The following MEIS3 variants were observed in gnomAD, a reference collection of about 807,000 sequenced individuals.
The protein encoded by MEIS3 is Meis homeobox 3.
In MEIS3, 38 loss-of-function variants were observed where a neutral mutation model predicts 51.4. That is an observed-to-expected ratio of 0.74 (90% confidence interval 0.57 to 0.97). The LOEUF is 0.97. Ranked by LOEUF, MEIS3 falls within the 50% of genes least tolerant of loss-of-function variation. The probability of loss-of-function intolerance (pLI) is 0.00; values close to 1 mark genes in which losing one functional copy is unlikely to be tolerated. For missense variants in MEIS3, 456 were observed against 502.6 expected, an observed-to-expected ratio of 0.91 and a Z score of 0.89; for synonymous variants, 198 against 201.8, an observed-to-expected ratio of 0.98 and a Z score of 0.16.
chr19:47,410,621 C>T (rs574727125), intron 6 of MEIS3, among the ~76,000 whole-genome samples: 192 of 151,806 alleles, frequency 1.3e-3, no homozygotes, highest in African/African-American at 4.4e-3. Flanking sequence ...AAAAAATTAG[C>T]TGGGCGTGGT....
rs1241782736 is a variant in MEIS3 at position 47,409,180 on chromosome 19, C to T, written c.777G>A (p.Glu259=). 1.2e-6 allele frequency: 2 copies of T among 1,612,948 alleles called. No homozygotes were observed. Among genetic ancestry groups the T allele is most frequent in the Non-Finnish European group, 8.5e-7 (1 of 1,180,026 alleles). ...SGGEDEDLDQ[E]RRRNKKRGIF... is the part of the protein sequence containing the mutation. The stretch of plus-strand genomic sequence containing the variant: ...TCCCCCTCTTCTTGTTTCGCCGTCG[C>T]TCCTGGTCCAAGTCCTCATCTTCTC... Residue 259 remains glutamate (E), a synonymous_variant, in exon 8 of 13, where the codon GAG becomes GAA. Coordinates refer to ENST00000558555, the MANE Select transcript of MEIS3 (RefSeq NM_001301059.2).
chr19:47,412,081 G>T (rs1255135427), intron 6 of MEIS3, among the ~76,000 whole-genome samples: 1 of 151,996 alleles, frequency 6.6e-6, no homozygotes, highest in Non-Finnish European at 1.5e-5. Context: ...CAATCCTCCT[G>T]CCTCGACTTC....
chr19:47,412,644 C>G (rs1297732686), intron 6 of MEIS3, among the ~76,000 whole-genome samples: 1 of 151,660 alleles, frequency 6.6e-6, no homozygotes, highest in African/African-American at 2.4e-5. Context: ...TCACTGCAAC[C>G]TTCGCCTCCC....
intron 4 of MEIS3, chr19:47,416,337 C>T: frequency 6.0e-6 from 2 of 335,674 alleles, no homozygotes; most frequent in Non-Finnish European, 5.4e-6. Flanking sequence ...TCATTAAACC[C>T]CCACAGCAGC....
chr19:47,406,753 C>T (rs1446521670), intron 11 of MEIS3, 135 bp downstream of exon 11: 7 of 924,120 alleles, frequency 7.6e-6, no homozygotes, highest in Non-Finnish European at 1.1e-5. Flanking sequence ...GGAAATCTGC[C>T]TTGGCATCAC....
Position 47,407,549 on chromosome 19 carries a change from C to T in MEIS3, c.859-121G>A, listed in dbSNP as rs1200095760. On this transcript the variant is annotated intron_variant, in intron 8 of 12. Coordinates refer to ENST00000558555, the MANE Select transcript of MEIS3 (RefSeq NM_001301059.2). Reference sequence around the variant, plus strand: ...GGCCCAGGCAGACGTCTGGGAGAACCGGCGCTTCTGAGCGTCTCTGCGCTC... The same window carrying T: ...GGCCCAGGCAGACGTCTGGGAGAACTGGCGCTTCTGAGCGTCTCTGCGCTC... 7 of 1,575,702 alleles carry T rather than the reference C, an allele frequency of 4.4e-6. No individual in the cohort carries two copies. The South Asian group carries it at 8.0e-5, about 18-fold the overall frequency.
chr19:47,404,351 C>G (rs59944317), intron 12 of MEIS3, among the ~76,000 whole-genome samples: 2 of 152,108 alleles, frequency 1.3e-5, no homozygotes, highest in Non-Finnish European at 2.9e-5. Flanking sequence ...GGCCTGGATA[C>G]GCCTGCCCAT....
In MEIS3 at chr19:47,403,444, G is replaced by A; in HGVS notation, c.*127C>T. The A allele has an allele frequency of 2.2e-6, 1 of 455,432 alleles. No homozygotes were observed. Among genetic ancestry groups the A allele is most frequent in the Non-Finnish European group, 4.4e-6 (1 of 226,946 alleles). The allele number at this position is 455,432 out of a possible 1,614,324, so 28.2% of individuals were successfully genotyped here. A position where few individuals can be genotyped will look rare whatever the true frequency, so the allele number is the denominator to read the frequency against. ...CCCCCATGTCCCAGCAGGGCCCTAG[G>A]GAGGTAGGCATTGAGCAGAGGGGCC... On this transcript the variant is annotated 3_prime_UTR_variant, in exon 13 of 13. Coordinates refer to ENST00000558555, the MANE Select transcript of MEIS3 (RefSeq NM_001301059.2).
chr19:47,418,757 G>A (rs1971584883), intron 1 of MEIS3: 1 of 283,308 alleles, frequency 3.5e-6, no homozygotes, highest in African/African-American at 2.3e-5. Context: ...GGGGAGACCA[G>A]GGACAGAGAG....
intron 1 of MEIS3, 117 bp downstream of exon 1, chr19:47,418,953 G>A: frequency 1.7e-6 from 1 of 576,496 alleles, no homozygotes; most frequent in Non-Finnish European, 2.5e-6. Flanking sequence ...GGCAGAGAGA[G>A]AGCGAGGTGG....
rs779953710 is a variant in MEIS3, at chr19:47,407,371, T to C, written c.916A>G (p.Ile306Val). ...KQLAQDTGLT[I>V]LQVNNWFINA... ...ACTCACCAGTTGTTGACTTGCAGGA[T>C]GGTGAGCCCCGTGTCCTGCGCCAGC... The change falls in exon 9 of 13, where the codon ATC becomes GTC. Residue 306 changes from isoleucine (I) to valine (V), a missense_variant. Physicochemically the swap from Ile to Val is conservative, Grantham distance 29. Transcript: ENST00000558555. The C allele has an allele frequency of 3.7e-6, 6 of 1,613,316 alleles. No individual in the cohort carries two copies. The East Asian group carries it at 1.3e-4, about 36-fold the overall frequency.
At position 47,417,312 on chromosome 19, in the gene MEIS3, G is replaced by A; in HGVS notation, c.51C>T (p.Gly17=). ...CTGGGAAGCTAGCCAGGGCTGCGGG[G>A]CCATCCACGATGCCTGGGTAGTGCG... The part of the protein sequence containing the change: ...ELPHYPGIVD[G]PAALASFPET... Residue 17 remains glycine (G), a synonymous_variant, in exon 2 of 13, where the codon GGC becomes GGT. Transcript: ENST00000558555. 6.2e-7 allele frequency: 1 copy of A among 1,613,796 alleles called. No homozygotes were observed. The highest frequency in any genetic ancestry group is 8.5e-7 in the Non-Finnish European group (1 of 1,179,912).
rs1259573430 is a variant in MEIS3 at position 47,419,062 on chromosome 19, A to G, written c.12+8T>C. On this transcript the variant is annotated splice_region_variant and intron_variant, in intron 1 of 12. Coordinates refer to ENST00000558555, the MANE Select transcript of MEIS3 (RefSeq NM_001301059.2). ...GCCGGGACGCGGGGTCCCCGCCCCG[A>G]GACCTACCCTCCGGGCCATGGGCTG... 3 of 1,247,314 alleles carry G rather than the reference A, an allele frequency of 2.4e-6. No individual in the cohort carries two copies. The highest frequency in any genetic ancestry group is 1.6e-5 in the African/African-American group (1 of 64,402). 77.3% of individuals were successfully genotyped at this position (1,247,314 alleles called of 1,614,324 possible).
chr19:47,413,348 G>A (rs562305688), intron 6 of MEIS3, among the ~76,000 whole-genome samples: 45 of 151,426 alleles, frequency 3.0e-4, no homozygotes, highest in African/African-American at 8.5e-4. Context: ...AGCCGAGATC[G>A]TGCCACTGCA....
At chr19:47,419,022 G>A in intron 1 of MEIS3, 48 bp downstream of exon 1, 5 of 1,227,026 alleles carry the variant, frequency 4.1e-6, no homozygotes, top group African/African-American at 3.1e-5. Flanking sequence ...TGCAGGGACA[G>A]GGGGTGCGGA....
chr19:47,422,016 C>G (rs367556899), upstream of MEIS3, among the ~76,000 whole-genome samples: 1 of 151,858 alleles, frequency 6.6e-6, no homozygotes, highest in East Asian at 1.9e-4. Context: ...CCTGGCCCAG[C>G]TCCAGGAGAA....
chr19:47,408,997 G>A (rs1409624371), intron 8 of MEIS3, 102 bp downstream of exon 8: 24 of 1,399,662 alleles, frequency 1.7e-5, no homozygotes, highest in South Asian at 1.3e-4. Flanking sequence ...ATTTCCTGCC[G>A]TCTTTCTCCC....
upstream of MEIS3, among the ~76,000 whole-genome samples, chr19:47,420,907 C>CTCTT (rs1340838817): frequency 2.3e-5 from 2 of 88,112 alleles, no homozygotes; most frequent in Non-Finnish European, 5.0e-5. Flanking sequence ...CTCTCTCTCT[C>CTCTT]TCTCACACAC....
intron 8 of MEIS3, 122 bp from the exon 9 acceptor site, chr19:47,407,550 G>C (rs758541108): frequency 1.9e-6 from 3 of 1,574,772 alleles, no homozygotes; most frequent in East Asian, 2.3e-5. Context: ...TGGGAGAACC[G>C]GCGCTTCTGA....
Sources: gnomAD v4.1 joint callset for allele counts (sites outside exome capture counted in the v4.1 genomes callset) on GRCh38, gnomAD v4.1.1 for gene constraint, MANE v1.5 for transcripts, NCBI Gene and HGNC (gene_info 2026-07-23, HGNC 2026-07-21) for gene names.